The following OPCML variants were observed in gnomAD, a reference collection of about 807,000 sequenced individuals.
The protein encoded by OPCML is opioid-binding protein/cell adhesion molecule.
In OPCML, 13 loss-of-function variants were observed where a neutral mutation model predicts 37.8. The observed-to-expected ratio is 0.34, with a 90% confidence interval of 0.22 to 0.55. OPCML has a LOEUF of 0.55. OPCML is among the 20% of genes least tolerant of loss of function. The pLI is 0.91. For missense variants in OPCML, 341 were observed against 435.6 expected (o/e 0.78, Z 1.93); for synonymous variants, 176 against 168.8 (o/e 1.04, Z -0.33).
chr11:132,941,115 T>C (rs1349999749), intron 2 of OPCML, among the ~76,000 whole-genome samples: 1 of 152,188 alleles, frequency 6.6e-6, no homozygotes, highest in African/African-American at 2.4e-5. Context: ...AAAGCAACTA[T>C]TCAGCTTTTC....
At chr11:133,197,560 C>A (rs538547759) in intron 1 of OPCML, among the ~76,000 whole-genome samples, 1 of 152,292 alleles carries the variant, frequency 6.6e-6, no homozygotes, top group South Asian at 2.1e-4. Context: ...AGATAATAAG[C>A]CACTTGCTCA....
At chr11:132,752,695 G>T (rs532215528) in intron 2 of OPCML, among the ~76,000 whole-genome samples, 7 of 151,730 alleles carry the variant, frequency 4.6e-5, no homozygotes, top group African/African-American at 1.5e-4. Flanking sequence ...TTCACTATAA[G>T]TTTGGATGGC....
chr11:133,243,512 G>A (rs944384727), intron 1 of OPCML, among the ~76,000 whole-genome samples: 9 of 152,216 alleles, frequency 5.9e-5, no homozygotes. Flanking sequence ...ACAGCAAGGT[G>A]AGAAGGCGCT....
rs560531891 is a variant in OPCML, at chr11:132,661,603, G to C, written c.147-4284C>G. Among the ~76,000 whole-genome samples, 45 of 152,238 alleles carry C rather than the reference G, an allele frequency of 3.0e-4. 1 individual carries two copies. The South Asian group carries it at 9.1e-3, about 31-fold the overall frequency. ...GGAACACTTTTGAAGTTAAATAAGG[G>C]GGAGCCAAGAGGCAAGTTGAGGAAG... On this transcript the variant is annotated intron_variant, in intron 2 of 7. Coordinates refer to ENST00000524381, the MANE Select transcript of OPCML (RefSeq NM_001012393.5).
At chr11:132,560,610 G>T (rs572580136) in intron 3 of OPCML, among the ~76,000 whole-genome samples, 26 of 152,270 alleles carry the variant, frequency 1.7e-4, no homozygotes, top group Non-Finnish European at 2.8e-4. Flanking sequence ...AAGGATTTTT[G>T]ATTATGGCCA....
At chr11:133,323,305 T>C (rs1943376050) in intron 1 of OPCML, among the ~76,000 whole-genome samples, 1 of 152,226 alleles carries the variant, frequency 6.6e-6, no homozygotes, top group East Asian at 1.9e-4. Context: ...CACAGCCCAC[T>C]TGTGTTCTGT....
chr11:132,847,879 T>C (rs1248059143), intron 2 of OPCML, among the ~76,000 whole-genome samples: 2 of 152,216 alleles, frequency 1.3e-5, no homozygotes, highest in Admixed American at 6.5e-5. Context: ...AAGCACCAGA[T>C]GCTTCAAGTT....
chr11:132,979,329 G>A (rs567408882), intron 1 of OPCML, among the ~76,000 whole-genome samples: 35 of 152,118 alleles, frequency 2.3e-4, no homozygotes, highest in Non-Finnish European at 3.7e-4. Context: ...ACAGAGCCTC[G>A]TGTGACGTGG....
chr11:132,907,587 C>T (rs543561084), intron 2 of OPCML, among the ~76,000 whole-genome samples: 124 of 150,880 alleles, frequency 8.2e-4, no homozygotes, highest in Non-Finnish European at 1.6e-3. Flanking sequence ...GCCGAGATCA[C>T]GCCACTGCAC....
At chr11:132,560,621 T>A (rs1003125233) in intron 3 of OPCML, among the ~76,000 whole-genome samples, 7 of 152,188 alleles carry the variant, frequency 4.6e-5, no homozygotes, top group African/African-American at 1.4e-4. Flanking sequence ...ATTATGGCCA[T>A]TCTTGTAGGA....
At chr11:132,968,211 G>A (rs1269971742) in intron 1 of OPCML, among the ~76,000 whole-genome samples, 5 of 152,092 alleles carry the variant, frequency 3.3e-5, no homozygotes, top group Non-Finnish European at 7.4e-5. Flanking sequence ...ATGGGAGAGT[G>A]GTTAAATTTA....
At chr11:132,616,059 A>G (rs1244443754) in intron 3 of OPCML, among the ~76,000 whole-genome samples, 5 of 152,280 alleles carry the variant, frequency 3.3e-5, no homozygotes, top group Admixed American at 3.3e-4. Context: ...ATACCTCAGG[A>G]TATTTTTTTC....
At chr11:132,618,655 T>C (rs553467880) in intron 3 of OPCML, among the ~76,000 whole-genome samples, 1 of 152,308 alleles carries the variant, frequency 6.6e-6, no homozygotes, top group South Asian at 2.1e-4. Flanking sequence ...GATCTTGTAA[T>C]TGATTTTATT....
intron 3 of OPCML, among the ~76,000 whole-genome samples, chr11:132,529,585 T>A (rs558142320): frequency 2.6e-4 from 39 of 152,352 alleles, no homozygotes; most frequent in African/African-American, 9.1e-4. Context: ...GTCCTCAGCC[T>A]CAAGCCTTCC....
At chr11:132,784,084 T>G (rs1591605322) in intron 2 of OPCML, among the ~76,000 whole-genome samples, 1 of 152,080 alleles carries the variant, frequency 6.6e-6, no homozygotes, top group East Asian at 1.9e-4. Flanking sequence ...TATATAAAAA[T>G]AAAACTTTGA....
At chr11:132,812,363 C>T (rs7106088) in intron 2 of OPCML, among the ~76,000 whole-genome samples, 95,998 of 151,376 alleles carry the variant, frequency 0.63, 30,922 homozygotes, top group Middle Eastern at 0.69. Flanking sequence ...TAATCTTTTG[C>T]GATAAATGCT....
intron 4 of OPCML, among the ~76,000 whole-genome samples, chr11:132,460,702 A>G (rs2136907919): frequency 6.6e-6 from 1 of 152,320 alleles, no homozygotes; most frequent in Non-Finnish European, 1.5e-5. Context: ...ACAGCTCCAG[A>G]GAGAATCGCC....
intron 2 of OPCML, among the ~76,000 whole-genome samples, chr11:132,811,807 G>A: frequency 6.6e-6 from 1 of 152,150 alleles, no homozygotes; most frequent in African/African-American, 2.4e-5. Context: ...TCATACCCTA[G>A]TTTAAAAGCA....
intron 2 of OPCML, among the ~76,000 whole-genome samples, chr11:132,928,440 T>C (rs1371643390): frequency 1.3e-5 from 2 of 151,912 alleles, no homozygotes; most frequent in African/African-American, 2.4e-5. Flanking sequence ...AAAATAAACA[T>C]ATATACTAAA....
Sources: gnomAD v4.1 joint callset for allele counts (sites outside exome capture counted in the v4.1 genomes callset) on GRCh38, gnomAD v4.1.1 for gene constraint, MANE v1.5 for transcripts, NCBI Gene and HGNC (gene_info 2026-07-23, HGNC 2026-07-21) for gene names.